Variants in CYP2J2 observed in about 807,000 individuals in gnomAD.
CYP2J2 encodes cytochrome P450 family 2 subfamily J member 2, also known as cytochrome P450 2J2.
A neutral mutation model predicts 48.8 loss-of-function variants in CYP2J2; 41 were observed. The ratio of observed to expected loss-of-function variants is 0.84; its 90% CI spans 0.66 to 1.09. The LOEUF is 1.09. Ranked by LOEUF, CYP2J2 falls within the 50% of genes least tolerant of loss-of-function variation. CYP2J2 has a pLI of 0.00. For missense variants in CYP2J2, 644 were observed against 617.3 expected (o/e 1.04, Z -0.46); for synonymous variants, 221 against 227.1 (o/e 0.97, Z 0.24).
upstream of CYP2J2, among the ~76,000 whole-genome samples, chr1:59,930,035 A>G (rs537723541): frequency 6.6e-6 from 1 of 152,184 alleles, no homozygotes; most frequent in African/African-American, 2.4e-5. Flanking sequence ...TAGTTCATTC[A>G]GTAAGTTGGA....
upstream of CYP2J2, among the ~76,000 whole-genome samples, chr1:59,929,809 A>G (rs542560870): frequency 6.6e-6 from 1 of 152,308 alleles, no homozygotes; most frequent in South Asian, 2.1e-4. Flanking sequence ...TCAGAATACC[A>G]TAGAATACAA....
intron 4 of CYP2J2, among the ~76,000 whole-genome samples, chr1:59,910,409 G>A (rs939603823): frequency 4.6e-5 from 7 of 152,144 alleles, no homozygotes; most frequent in Non-Finnish European, 8.8e-5. Context: ...TGGTAGTAGG[G>A]CATAGATGCA....
chr1:59,938,353 T>C, the CYP2J2 span, among the ~76,000 whole-genome samples: 1 of 152,188 alleles, frequency 6.6e-6, no homozygotes, highest in South Asian at 2.1e-4. Flanking sequence ...ATTTTCAGTA[T>C]CTCAGCAAGA....
the CYP2J2 span, among the ~76,000 whole-genome samples, chr1:59,960,346 T>G: frequency 6.6e-6 from 1 of 152,178 alleles, no homozygotes; most frequent in Non-Finnish European, 1.5e-5. Flanking sequence ...GGAGAAATTA[T>G]ACAAATTAAC....
chr1:59,942,158 T>C, the CYP2J2 span, among the ~76,000 whole-genome samples: 3 of 152,074 alleles, frequency 2.0e-5, no homozygotes, highest in African/African-American at 7.2e-5. Context: ...AAACCAAAAA[T>C]TAAAAATCAG....
chr1:59,905,676 C>T (rs1420975914), intron 6 of CYP2J2, among the ~76,000 whole-genome samples: 2 of 152,208 alleles, frequency 1.3e-5, no homozygotes, highest in African/African-American at 4.8e-5. Context: ...ACTCTTTAAA[C>T]CTCAGTTCCT....
At chr1:59,902,605 G>A (rs531392311) in intron 7 of CYP2J2, among the ~76,000 whole-genome samples, 10 of 151,900 alleles carry the variant, frequency 6.6e-5, no homozygotes, top group South Asian at 2.1e-4. Flanking sequence ...TAGTAGAGAC[G>A]GTTTTCACCA....
At chr1:59,944,179 G>A in the CYP2J2 span, among the ~76,000 whole-genome samples, 1 of 152,268 alleles carries the variant, frequency 6.6e-6, no homozygotes, top group South Asian at 2.1e-4. Context: ...GTGTCTAGCT[G>A]TCTAAAGTTA....
intron 8 of CYP2J2, among the ~76,000 whole-genome samples, chr1:59,897,907 A>G (rs1480419211): frequency 1.3e-5 from 2 of 152,214 alleles, no homozygotes; most frequent in Non-Finnish European, 2.9e-5. Context: ...ACTGCATGCC[A>G]AAAGATGGGC....
chr1:59,929,373 A>C (rs1267277709), upstream of CYP2J2, among the ~76,000 whole-genome samples: 1 of 152,226 alleles, frequency 6.6e-6, no homozygotes, highest in Non-Finnish European at 1.5e-5. Flanking sequence ...ACATGCAAAG[A>C]AGCAGGAAAG....
chr1:59,934,406 CACA>C, the CYP2J2 span, among the ~76,000 whole-genome samples: 1 of 152,080 alleles, frequency 6.6e-6, no homozygotes, highest in Non-Finnish European at 1.5e-5. Context: ...AAAGCTTCTT[CACA>C]ACAAAGGAAA....
the CYP2J2 span, among the ~76,000 whole-genome samples, chr1:59,937,033 G>T: frequency 2.0e-5 from 3 of 152,186 alleles, no homozygotes; most frequent in African/African-American, 7.2e-5. Context: ...GATTCAAACA[G>T]GATTAAAATT....
chr1:59,956,115 AAG>A, the CYP2J2 span, among the ~76,000 whole-genome samples: 4 of 152,262 alleles, frequency 2.6e-5, no homozygotes, highest in East Asian at 5.8e-4. Context: ...GGGAAAGAGA[AAG>A]AGAGGAGGCA....
rs192232632 is a variant in CYP2J2 at position 59,921,570 on chromosome 1, C to T, written c.210+4967G>A. Among the ~76,000 whole-genome samples, 41 of 152,172 alleles carry T rather than the reference C, an allele frequency of 2.7e-4. 1 individual carries two copies. Among genetic ancestry groups the T allele is most frequent in the East Asian group, 1.4e-3 (7 of 5,098 alleles). On this transcript the variant is annotated intron_variant, in intron 1 of 8. Transcript: ENST00000371204. ...CACATGGATAAGATAGGGTTATAAA[C>T]GCCCTTATCTTGCCACGGCTCTTCT...
At chr1:59,910,537 T>C (rs1402247937) in intron 4 of CYP2J2, among the ~76,000 whole-genome samples, 1 of 152,216 alleles carries the variant, frequency 6.6e-6, no homozygotes, top group Non-Finnish European at 1.5e-5. Context: ...AAAGTCATTT[T>C]CTTAAACCAA....
In CYP2J2 at chr1:59,915,926, C is replaced by T; in HGVS notation, c.373+12G>A. Reference sequence around the variant, plus strand: ...CATCAAACACTCACCTTTCGTTGGCCAAGAAACTTACCATTTTTCTTAAAG... The same window carrying T: ...CATCAAACACTCACCTTTCGTTGGCTAAGAAACTTACCATTTTTCTTAAAG... On this transcript the variant is annotated intron_variant, in intron 2 of 8. Coordinates refer to ENST00000371204, the MANE Select transcript of CYP2J2 (RefSeq NM_000775.4). The T allele has an allele frequency of 6.2e-7, 1 of 1,610,480 alleles. No homozygotes were observed. Among genetic ancestry groups the T allele is most frequent in the Non-Finnish European group, 8.5e-7 (1 of 1,178,492 alleles).
At chr1:59,921,124 G>A (rs900556358) in intron 1 of CYP2J2, among the ~76,000 whole-genome samples, 3 of 152,128 alleles carry the variant, frequency 2.0e-5, no homozygotes, top group African/African-American at 7.2e-5. Context: ...ATACAGCCTT[G>A]TATTTTGCCT....
chr1:59,955,974 A>T, the CYP2J2 span, among the ~76,000 whole-genome samples: 1 of 152,158 alleles, frequency 6.6e-6, no homozygotes, highest in African/African-American at 2.4e-5. Context: ...ACACATCATG[A>T]CCTCATGCAA....
At chr1:59,954,238 A>G in the CYP2J2 span, among the ~76,000 whole-genome samples, 2 of 152,210 alleles carry the variant, frequency 1.3e-5, no homozygotes, top group Non-Finnish European at 2.9e-5. Flanking sequence ...GACTATGTTA[A>G]GTGCTGAAAT....
Sources: gnomAD v4.1 joint callset for allele counts (sites outside exome capture counted in the v4.1 genomes callset) on GRCh38, gnomAD v4.1.1 for gene constraint, MANE v1.5 for transcripts, NCBI Gene and HGNC (gene_info 2026-07-23, HGNC 2026-07-21) for gene names.